The following ERICH1 variants were observed in gnomAD, a reference collection of about 807,000 sequenced individuals.
ERICH1 encodes the protein glutamate-rich protein 1.
A neutral mutation model predicts 39.6 loss-of-function variants in ERICH1; 56 were observed. The observed-to-expected ratio is 1.41, with a 90% CI of 1.14 to 1.77. The LOEUF (loss-of-function observed/expected upper bound fraction) is 1.77. Among genes scored for constraint, ERICH1 ranks in the 40% most tolerant of loss-of-function variants. ERICH1 has a pLI of 0.00. For synonymous variants in ERICH1, 313 were observed against 223.6 expected, an observed-to-expected ratio of 1.40 and a Z score of -3.57; for missense variants, 826 against 575.4, an observed-to-expected ratio of 1.44 and a Z score of -4.45.
rs546228825 is a variant in ERICH1, at chr8:686,190, T to C, written c.304+6288A>G. ...TCATCATCATCATCTTCTACCTTTT[T>C]TTCTCAGATACTCTTTAACTTCAAT... is the stretch of plus-strand genomic sequence containing the variant. On this transcript the variant is annotated intron_variant, in intron 3 of 5. Coordinates refer to ENST00000262109, the MANE Select transcript of ERICH1 (RefSeq NM_207332.3). Among the ~76,000 whole-genome samples, 11 of 152,224 alleles carry C rather than the reference T, an allele frequency of 7.2e-5. No individual in the cohort carries two copies. The East Asian group carries it at 2.1e-3, about 29-fold the overall frequency.
chr8:697,942 A>C (rs965994940), intron 2 of ERICH1, among the ~76,000 whole-genome samples: 28 of 151,972 alleles, frequency 1.8e-4, no homozygotes, highest in African/African-American at 3.4e-4. Context: ...CAGCTGCCTG[A>C]TGGGCTGCAA....
In ERICH1 at chr8:629,958, C is replaced by G. The variant is rs1159847290; in HGVS notation, c.977-14674G>C. 4.3e-4 allele frequency among the ~76,000 whole-genome samples: 59 copies of G among 136,940 alleles called. 2 individuals are homozygous for G. The highest frequency in any genetic ancestry group is 7.6e-4 in the Non-Finnish European group (49 of 64,438). The allele number at this position is 136,940 out of a possible 152,430, so 89.8% of individuals were successfully genotyped here. On this transcript the variant is annotated intron_variant, in intron 3 of 3. Coordinates refer to the ERICH1 transcript ENST00000522706. ...CCCACACAGAGCTGACTCACACCCT[C>G]CTGTGACCACCCACACAGAACTGAC...
chr8:706,017 A>G (rs1813197804), intron 2 of ERICH1, among the ~76,000 whole-genome samples: 2 of 152,234 alleles, frequency 1.3e-5, no homozygotes, highest in South Asian at 4.1e-4. Context: ...GTTTGGATGC[A>G]TGAACACTCA....
At chr8:637,205 A>G (rs1178351125) in intron 3 of ERICH1, among the ~76,000 whole-genome samples, 1 of 152,198 alleles carries the variant, frequency 6.6e-6, no homozygotes, top group Non-Finnish European at 1.5e-5. Flanking sequence ...GGATCTGGCC[A>G]CACTCATTCT....
At chr8:695,006 C>T (rs893186551) in intron 2 of ERICH1, among the ~76,000 whole-genome samples, 1 of 152,138 alleles carries the variant, frequency 6.6e-6, no homozygotes, top group African/African-American at 2.4e-5. Context: ...CACCAGCATC[C>T]CTCGGGAAAG....
At chr8:660,469 C>A (rs1371513340), downstream of ERICH1, among the ~76,000 whole-genome samples, 1 of 152,174 alleles carries the variant, frequency 6.6e-6, no homozygotes, top group African/African-American at 2.4e-5. Context: ...CAGCATCAGC[C>A]AGCAAGGACA....
intron 3 of ERICH1, among the ~76,000 whole-genome samples, chr8:644,113 G>A (rs563565233): frequency 1.4e-4 from 22 of 152,236 alleles, no homozygotes; most frequent in Non-Finnish European, 3.1e-4. Flanking sequence ...AGTCTTGGCC[G>A]CATGGGGCCA....
rs11781283 is a variant in ERICH1 at position 731,206 on chromosome 8, G to C, written c.-45C>G. On this transcript the variant is annotated 5_prime_UTR_variant, in exon 1 of 6. Transcript: ENST00000262109. The stretch of plus-strand genomic sequence containing the variant: ...CTCAGACCACGGCGCGCGGTCCTGA[G>C]CTGAGCGCCGTGCCTTCCGGGTTCC... 0.49 allele frequency: 707,933 copies of C among 1,459,640 alleles called. 174,719 individuals are homozygous for C. The highest frequency in any genetic ancestry group is 0.55 in the Middle Eastern group (3,129 of 5,640). 90.4% of individuals were successfully genotyped at this position (1,459,640 alleles called of 1,614,324 possible).
At chr8:677,429 T>C (rs969200659) in intron 3 of ERICH1, among the ~76,000 whole-genome samples, 1 of 152,190 alleles carries the variant, frequency 6.6e-6, no homozygotes, top group Non-Finnish European at 1.5e-5. Context: ...CTGAAGCAGC[T>C]CCGCACACAG....
chr8:690,538 T>C (rs1175074448), intron 3 of ERICH1, among the ~76,000 whole-genome samples: 1 of 152,218 alleles, frequency 6.6e-6, no homozygotes, highest in African/African-American at 2.4e-5. Flanking sequence ...GGGGCCTAGA[T>C]GGCCTCCGGG....
At chr8:684,025 T>C (rs1292964179) in intron 3 of ERICH1, among the ~76,000 whole-genome samples, 1 of 152,262 alleles carries the variant, frequency 6.6e-6, no homozygotes, top group African/African-American at 2.4e-5. Flanking sequence ...TGTTTGAGTC[T>C]TAAAAACTGA....
chr8:673,832 T>C lies in ERICH1; in HGVS notation c.520A>G (p.Lys174Glu), dbSNP rs756783054. 2.5e-6 allele frequency: 4 copies of C among 1,614,146 alleles called. No individual in the cohort carries two copies. The highest frequency in any genetic ancestry group is 3.4e-6 in the Non-Finnish European group (4 of 1,180,036). The change falls in exon 4 of 6, where the codon AAG (lysine) becomes GAG (glutamate). Residue 174 changes from lysine (K) to glutamate (E), a missense_variant. Physicochemically the swap from Lys to Glu is moderately conservative, Grantham distance 56. Coordinates refer to ENST00000262109, the MANE Select transcript of ERICH1 (RefSeq NM_207332.3). Reference sequence around the variant, plus strand: ...TTTGCTGCCAAGCCGGCTGCTTTCTTCCTTTTAATTTGCTGTTTCTTTTTC... The same window carrying C: ...TTTGCTGCCAAGCCGGCTGCTTTCTCCCTTTTAATTTGCTGTTTCTTTTTC... ...KLKKKQQIKR[K>E]KAAGLAAKAA...
chr8:655,151 C>T (rs1441449898), intron 3 of ERICH1, among the ~76,000 whole-genome samples: 1 of 152,190 alleles, frequency 6.6e-6, no homozygotes, highest in Non-Finnish European at 1.5e-5. Context: ...CAAGTCGGCC[C>T]CAAGGGACTA....
intron 1 of ERICH1, 66 bp from the exon 2 acceptor site, chr8:716,073 C>T: frequency 6.6e-7 from 1 of 1,522,204 alleles, no homozygotes; most frequent in Non-Finnish European, 8.8e-7. Flanking sequence ...ATCTGAATCA[C>T]ACGTGACTTT....
At chr8:634,195 A>AAACAAACAAACAAACAAAC (rs74641971) in intron 3 of ERICH1, among the ~76,000 whole-genome samples, 2,929 of 147,932 alleles carry the variant, frequency 0.02, 47 homozygotes, top group Middle Eastern at 0.031. Context: ...AACAAACAAA[A>AAACAAACAAACAAACAAAC]AAAACCCTGA....
At chr8:710,079 C>T (rs1355849388) in intron 2 of ERICH1, among the ~76,000 whole-genome samples, 1 of 152,238 alleles carries the variant, frequency 6.6e-6, no homozygotes, top group African/African-American at 2.4e-5. Flanking sequence ...CCATTATCAT[C>T]ACCGTCAGAG....
At chr8:649,514 C>T (rs1409798894) in intron 3 of ERICH1, among the ~76,000 whole-genome samples, 1 of 152,048 alleles carries the variant, frequency 6.6e-6, no homozygotes, top group Non-Finnish European at 1.5e-5. Flanking sequence ...ATGCTCAGAG[C>T]CCCTGGGCCC....
rs1249772581 is a variant in ERICH1, at chr8:703,404, C to G, written c.170-10792G>C. On this transcript the variant is annotated intron_variant, in intron 2 of 5. Transcript: ENST00000262109. ...GGATGCTGAATCCTAGAATGGCAGC[C>G]GAGACACAGCAGACACGAGATCTGC... Among the ~76,000 whole-genome samples, 4 of 152,032 alleles carry G rather than the reference C, an allele frequency of 2.6e-5. No homozygotes were observed. The South Asian group carries it at 6.2e-4, about 24-fold the overall frequency.
chr8:681,542 G>A (rs1441484980), intron 3 of ERICH1, among the ~76,000 whole-genome samples: 4 of 152,202 alleles, frequency 2.6e-5, no homozygotes, highest in Non-Finnish European at 5.9e-5. Context: ...GGAACAAAAC[G>A]CAAGCAGGAT....
Sources: gnomAD v4.1 joint callset for allele counts (sites outside exome capture counted in the v4.1 genomes callset) on GRCh38, gnomAD v4.1.1 for gene constraint, MANE v1.5 for transcripts, NCBI Gene and HGNC (gene_info 2026-07-23, HGNC 2026-07-21) for gene names.